PCDH9: variants seen among roughly 807,000 people sequenced by gnomAD.
The protein encoded by PCDH9 is protocadherin-9.
PCDH9 carries 24 observed loss-of-function variants against 70.6 expected under a neutral mutation model. The ratio of observed to expected loss-of-function variants is 0.34; its 90% CI spans 0.25 to 0.48. The LOEUF is 0.48. Among genes scored for constraint, PCDH9 ranks in the 20% least tolerant of loss-of-function variants. The pLI, the probability that PCDH9 is intolerant of heterozygous loss-of-function variation, is 0.99. For missense variants in PCDH9, 1,281 were observed against 1,503.6 expected (o/e 0.85, Z 2.45); for synonymous variants, 562 against 558.5 (o/e 1.01, Z -0.09).
intron 2 of PCDH9, among the ~76,000 whole-genome samples, chr13:66,932,037 G>A (rs2139663208): frequency 6.6e-6 from 1 of 152,200 alleles, no homozygotes; most frequent in African/African-American, 2.4e-5. Context: ...GTAGATTAGT[G>A]AGAGGAAAGT....
chr13:66,776,673 T>C (rs1031319061), intron 3 of PCDH9, among the ~76,000 whole-genome samples: 1 of 152,132 alleles, frequency 6.6e-6, no homozygotes, highest in Admixed American at 6.6e-5. Context: ...ATGGGCAGGA[T>C]GAATCAATAT....
chr13:66,838,123 T>C (rs117257921), intron 3 of PCDH9, among the ~76,000 whole-genome samples: 1,931 of 152,334 alleles, frequency 0.013, 19 homozygotes, highest in Middle Eastern at 0.027. Context: ...GTATTCATGT[T>C]ACAGAACATA....
chr13:66,717,647 A>T (rs538916080), intron 3 of PCDH9, among the ~76,000 whole-genome samples: 1 of 151,718 alleles, frequency 6.6e-6, no homozygotes, highest in East Asian at 1.9e-4. Context: ...CGCCTTTAAC[A>T]TTGCCTTTAG....
In PCDH9 at chr13:66,731,022, C is replaced by T. The variant is rs889209110; in HGVS notation, c.3139-99611G>A. On this transcript the variant is annotated intron_variant, in intron 3 of 4. Coordinates refer to ENST00000377865, the MANE Select transcript of PCDH9 (RefSeq NM_203487.3). ...AACAGGCTGAACTATCAGGCCCAGG[C>T]GTATAATATATATTTCTTTATTCAA... Among the ~76,000 whole-genome samples, 8 of 151,096 alleles carry T rather than the reference C, an allele frequency of 5.3e-5. No individual in the cohort carries two copies. The East Asian group carries it at 1.4e-3, about 26-fold the overall frequency.
chr13:66,565,301 C>A (rs1035193717), intron 4 of PCDH9, among the ~76,000 whole-genome samples: 1 of 152,142 alleles, frequency 6.6e-6, no homozygotes, highest in Non-Finnish European at 1.5e-5. Flanking sequence ...ATGGTGATAA[C>A]AACTTAAGTG....
intron 2 of PCDH9, among the ~76,000 whole-genome samples, chr13:67,004,423 T>C (rs2084307508): frequency 6.6e-6 from 1 of 151,548 alleles, no homozygotes; most frequent in African/African-American, 2.4e-5. Flanking sequence ...ATCCAAAAAT[T>C]AGCCAGGCAT....
intron 2 of PCDH9, among the ~76,000 whole-genome samples, chr13:66,979,835 T>G (rs2139767104): frequency 6.6e-6 from 1 of 152,188 alleles, no homozygotes; most frequent in South Asian, 2.1e-4. Flanking sequence ...TCTCCTTCTT[T>G]TTTGTCTCTT....
At position 67,129,199 on chromosome 13, in the gene PCDH9, A is replaced by G. The variant is rs575433936; in HGVS notation, c.3036+96206T>C. On this transcript the variant is annotated intron_variant, in intron 2 of 4. Coordinates refer to ENST00000377865, the MANE Select transcript of PCDH9 (RefSeq NM_203487.3). ...TACAGAAGGTATATCATAGCTAATGACCTTGCCTAATAAAAGAAGGAGAGA... is the reference window on the plus strand; with the variant it reads ...TACAGAAGGTATATCATAGCTAATGGCCTTGCCTAATAAAAGAAGGAGAGA... Among the ~76,000 whole-genome samples the G allele has an allele frequency of 5.1e-4, 77 of 152,264 alleles. 2 individuals are homozygous for G. In the South Asian group the frequency reaches 0.016, roughly 31 times the overall value.
At chr13:66,397,320 G>A (rs1957116744) in intron 4 of PCDH9, among the ~76,000 whole-genome samples, 1 of 151,986 alleles carries the variant, frequency 6.6e-6, no homozygotes, top group Admixed American at 6.6e-5. Flanking sequence ...TTTGGAAGCT[G>A]AAGTGGGAGG....
chr13:66,365,072 G>T (rs182343375), intron 4 of PCDH9, among the ~76,000 whole-genome samples: 7 of 152,206 alleles, frequency 4.6e-5, no homozygotes, highest in Admixed American at 4.6e-4. Flanking sequence ...TTTCATAAAA[G>T]AAAGTCACAC....
chr13:66,952,669 ACT>A (rs1220111956), intron 2 of PCDH9, among the ~76,000 whole-genome samples: 2 of 152,018 alleles, frequency 1.3e-5, no homozygotes, highest in African/African-American at 4.8e-5. Context: ...ATTGCCTCTA[ACT>A]CTCTCAATGG....
At chr13:67,133,607 C>G (rs1198080024) in intron 2 of PCDH9, among the ~76,000 whole-genome samples, 1 of 151,974 alleles carries the variant, frequency 6.6e-6, no homozygotes, top group Admixed American at 6.6e-5. Context: ...GAACCTAGAA[C>G]CCTGGTCTAT....
chr13:66,488,294 C>G (rs1958978390), intron 4 of PCDH9, among the ~76,000 whole-genome samples: 1 of 152,074 alleles, frequency 6.6e-6, no homozygotes, highest in Non-Finnish European at 1.5e-5. Flanking sequence ...GAGATGACCT[C>G]TAGAAATTCA....
Position 66,714,262 on chromosome 13 carries a change from G to A in PCDH9, c.3139-82851C>T, listed in dbSNP as rs140917318. ...GGGTGGATCACAAGTTCAGGAGATCGAGACCATCCTGGCTAACACTGTGAA... is the reference window on the plus strand; with the variant it reads ...GGGTGGATCACAAGTTCAGGAGATCAAGACCATCCTGGCTAACACTGTGAA... On this transcript the variant is annotated intron_variant, in intron 3 of 4. Transcript: ENST00000377865. 7.4e-3 allele frequency among the ~76,000 whole-genome samples: 1,118 copies of A among 152,060 alleles called. 7 individuals carry two copies. Among genetic ancestry groups the A allele is most frequent in the Non-Finnish European group, 0.013 (910 of 67,992 alleles).
intron 3 of PCDH9, among the ~76,000 whole-genome samples, chr13:66,794,157 A>G (rs2080203335): frequency 6.6e-6 from 1 of 152,140 alleles, no homozygotes. Flanking sequence ...ACATAAATTT[A>G]TGAACCCATT....
At chr13:66,447,991 C>T (rs1958130106) in intron 4 of PCDH9, among the ~76,000 whole-genome samples, 1 of 152,072 alleles carries the variant, frequency 6.6e-6, no homozygotes, top group Admixed American at 6.6e-5. Context: ...TCACTGTTGT[C>T]ATTTATGCCT....
chr13:66,979,573 C>A (rs2083695162), intron 2 of PCDH9, among the ~76,000 whole-genome samples: 1 of 152,110 alleles, frequency 6.6e-6, no homozygotes, highest in Non-Finnish European at 1.5e-5. Flanking sequence ...ATTACAACAA[C>A]ATACAAATAT....
At chr13:66,825,152 T>C (rs2080796017) in intron 3 of PCDH9, 1 of 151,728 alleles carries the variant, frequency 6.6e-6, no homozygotes, top group East Asian at 1.9e-4. Context: ...ATGTTCTCAT[T>C]TTATTTAGTC....
chr13:66,580,583 C>A (rs1208641506), intron 4 of PCDH9, among the ~76,000 whole-genome samples: 1 of 151,408 alleles, frequency 6.6e-6, no homozygotes, highest in Non-Finnish European at 1.5e-5. Context: ...GTTGTACAGT[C>A]ATTAACACTA....
Sources: gnomAD v4.1 joint callset for allele counts (sites outside exome capture counted in the v4.1 genomes callset) on GRCh38, gnomAD v4.1.1 for gene constraint, MANE v1.5 for transcripts, NCBI Gene and HGNC (gene_info 2026-07-23, HGNC 2026-07-21) for gene names.